The following WDR70 variants were observed in gnomAD, a reference collection of about 807,000 sequenced individuals.
WDR70 encodes the protein WD repeat-containing protein 70.
A neutral mutation model predicts 88.6 loss-of-function variants in WDR70; 53 were observed. The observed-to-expected ratio is 0.60, with a 90% CI of 0.48 to 0.75. The LOEUF (loss-of-function observed/expected upper bound fraction) is 0.75, where lower values mean the gene tolerates loss of function less well. WDR70 is among the 30% of genes least tolerant of loss of function. The pLI, the probability that WDR70 is intolerant of heterozygous loss-of-function variation, is 0.00. For missense variants in WDR70, 610 were observed against 823.2 expected (o/e 0.74, Z 3.17); for synonymous variants, 280 against 270.0 (o/e 1.04, Z -0.36).
intron 17 of WDR70, among the ~76,000 whole-genome samples, chr5:37,731,078 G>GTGGTCAGAGTTGTCC (rs763130098): frequency 2.1e-4 from 32 of 152,250 alleles, no homozygotes; most frequent in Non-Finnish European, 3.2e-4. Context: ...CCTGGAGACT[G>GTGGTCAGAGTTGTCC]TGGTCAGAGT....
At chr5:37,482,591 A>G (rs1739707253) in intron 8 of WDR70, among the ~76,000 whole-genome samples, 1 of 152,208 alleles carries the variant, frequency 6.6e-6, no homozygotes, top group South Asian at 2.1e-4. Context: ...TTACAATGCA[A>G]GGTGAGATTT....
intron 10 of WDR70, among the ~76,000 whole-genome samples, chr5:37,622,355 C>G (rs1436224520): frequency 1.3e-5 from 2 of 151,592 alleles, no homozygotes; most frequent in Admixed American, 6.6e-5. Context: ...GGATCTAGAA[C>G]TAGAAATACC....
chr5:37,449,239 C>A (rs367884091), intron 7 of WDR70, among the ~76,000 whole-genome samples: 146 of 152,226 alleles, frequency 9.6e-4, no homozygotes, highest in Middle Eastern at 3.4e-3. Flanking sequence ...GGTCTTTTGT[C>A]GCTTTGACAT....
intron 10 of WDR70, among the ~76,000 whole-genome samples, chr5:37,691,574 A>T (rs1411047214): frequency 5.3e-5 from 8 of 152,264 alleles, no homozygotes; most frequent in Non-Finnish European, 2.9e-5. Context: ...AAACTGCACA[A>T]GTACATGGAA....
intron 9 of WDR70, among the ~76,000 whole-genome samples, chr5:37,554,652 A>G (rs1470972416): frequency 6.8e-6 from 1 of 147,650 alleles, no homozygotes; most frequent in African/African-American, 2.5e-5. Flanking sequence ...ACACACACAC[A>G]TACTCACACA....
chr5:37,430,607 C>T (rs541354606), intron 5 of WDR70, among the ~76,000 whole-genome samples: 1 of 152,046 alleles, frequency 6.6e-6, no homozygotes, highest in South Asian at 2.1e-4. Flanking sequence ...GTTGCCCAGG[C>T]TGGAGTGCAG....
chr5:37,625,210 C>T (rs1744628924), intron 10 of WDR70, among the ~76,000 whole-genome samples: 1 of 152,092 alleles, frequency 6.6e-6, no homozygotes, highest in Non-Finnish European at 1.5e-5. Context: ...TTAGTAGTAG[C>T]CTTGCTGGAT....
intron 9 of WDR70, among the ~76,000 whole-genome samples, chr5:37,537,702 A>G (rs1741705215): frequency 6.6e-6 from 1 of 152,154 alleles, no homozygotes; most frequent in Non-Finnish European, 1.5e-5. Context: ...ACAAAGTAAA[A>G]TTGCTAATAC....
chr5:37,544,157 G>C (rs1437576657), intron 9 of WDR70, among the ~76,000 whole-genome samples: 2 of 152,162 alleles, frequency 1.3e-5, no homozygotes, highest in East Asian at 3.8e-4. Context: ...GAGCCCAGTG[G>C]TCAGGGATTG....
At chr5:37,379,705 C>G (rs1455226230) in intron 2 of WDR70, 151 bp downstream of exon 2, 11 of 862,038 alleles carry the variant, frequency 1.3e-5, no homozygotes, top group Non-Finnish European at 2.1e-5. Flanking sequence ...CATTTGTCTT[C>G]TATTCTGCGT....
At chr5:37,433,170 T>C (rs916304576) in intron 5 of WDR70, among the ~76,000 whole-genome samples, 4 of 151,952 alleles carry the variant, frequency 2.6e-5, no homozygotes, top group East Asian at 3.9e-4. Flanking sequence ...AAGCAATTCA[T>C]GTGCCTCAGC....
At chr5:37,478,198 C>T (rs1053493802) in intron 7 of WDR70, among the ~76,000 whole-genome samples, 3 of 152,264 alleles carry the variant, frequency 2.0e-5, no homozygotes, top group East Asian at 1.9e-4. Context: ...TCCGTTGCAT[C>T]GACTGCTCTT....
chr5:37,550,672 T>G (rs1742115670), intron 9 of WDR70, among the ~76,000 whole-genome samples: 1 of 152,216 alleles, frequency 6.6e-6, no homozygotes, highest in African/African-American at 2.4e-5. Context: ...TCAGTGAGTC[T>G]TGTTCTTTTA....
At chr5:37,739,048 G>C (rs1748388372) in intron 17 of WDR70, among the ~76,000 whole-genome samples, 2 of 152,180 alleles carry the variant, frequency 1.3e-5, no homozygotes, top group African/African-American at 4.8e-5. Context: ...TAGTAAACAA[G>C]TTGACATTTA....
rs189592514 is a variant in WDR70, at chr5:37,672,426, C to T, written c.1093-25229C>T. ...GGAACGAATGTCTAGGTGTAAAACC[C>T]GCTCGTACATTCGTTCTGTTCTGAG... On this transcript the variant is annotated intron_variant, in intron 10 of 17. Transcript: ENST00000265107. Among the ~76,000 whole-genome samples the T allele has an allele frequency of 6.8e-4, 104 of 152,232 alleles. 2 individuals are homozygous for T. In the South Asian group the frequency reaches 9.3e-3, roughly 14 times the overall value.
chr5:37,733,912 G>A (rs1307438039), intron 17 of WDR70, among the ~76,000 whole-genome samples: 4 of 151,154 alleles, frequency 2.6e-5, no homozygotes, highest in Non-Finnish European at 5.9e-5. Context: ...TTATCTTTTT[G>A]TGCTGTTGTA....
intron 5 of WDR70, among the ~76,000 whole-genome samples, chr5:37,424,501 C>T (rs989301825): frequency 6.6e-6 from 1 of 151,228 alleles, no homozygotes; most frequent in Non-Finnish European, 1.5e-5. Context: ...AGCTTCCAGG[C>T]TCAAGTGATC....
intron 5 of WDR70, among the ~76,000 whole-genome samples, chr5:37,426,274 A>G (rs538733558): frequency 6.6e-6 from 1 of 152,372 alleles, no homozygotes; most frequent in South Asian, 2.1e-4. Flanking sequence ...AAGCATCTTT[A>G]TTATATTTAA....
At chr5:37,681,132 A>G (rs1445028490) in intron 10 of WDR70, among the ~76,000 whole-genome samples, 1 of 151,382 alleles carries the variant, frequency 6.6e-6, no homozygotes, top group Non-Finnish European at 1.5e-5. Context: ...TTTTTTTTGT[A>G]GTTTTCATTG....
Sources: allele counts gnomAD v4.1 joint callset (sites outside exome capture counted in the v4.1 genomes callset), GRCh38; gene constraint gnomAD v4.1.1; transcripts MANE v1.5; gene names NCBI Gene and HGNC (gene_info 2026-07-23, HGNC 2026-07-21).